SHC2: variants seen among roughly 807,000 people sequenced by gnomAD.
SHC2 encodes the protein SHC adaptor protein 2.
SHC2 carries 62 observed loss-of-function variants against 60.6 expected under a neutral mutation model. That is an observed-to-expected ratio of 1.02 (90% CI 0.83 to 1.26). The LOEUF (loss-of-function observed/expected upper bound fraction) is 1.26, where lower values mean the gene tolerates loss of function less well. SHC2 is among the 50% of genes most tolerant of loss of function. The pLI, the probability that SHC2 is intolerant of heterozygous loss-of-function variation, is 0.00. For synonymous variants in SHC2, 375 were observed against 372.4 expected, an observed-to-expected ratio of 1.01 and a Z score of -0.08; for missense variants, 873 against 822.2, an observed-to-expected ratio of 1.06 and a Z score of -0.76.
intron 1 of SHC2, among the ~76,000 whole-genome samples, chr19:451,104 C>T (rs1051314589): frequency 1.3e-5 from 2 of 148,918 alleles, no homozygotes; most frequent in Non-Finnish European, 3.0e-5. Context: ...TGTGGATGGC[C>T]ATACCATAGC....
rs1974729115 is a variant in SHC2 at position 436,628 on chromosome 19, A to G, written c.774+2T>C. The G allele has an allele frequency of 8.1e-6, 13 of 1,604,762 alleles. No individual in the cohort carries two copies. Among genetic ancestry groups the G allele is most frequent in the Non-Finnish European group, 1.1e-5 (13 of 1,177,968 alleles). Reference sequence around the variant, plus strand: ...CAGGTCCACCCCCATCCCTGGCCTCACCGTGTCTCCGCCTGACGCGAAGGA... The same window carrying G: ...CAGGTCCACCCCCATCCCTGGCCTCGCCGTGTCTCCGCCTGACGCGAAGGA... On this transcript the variant is annotated splice_donor_variant, in intron 5 of 12. Coordinates refer to ENST00000264554, the MANE Select transcript of SHC2 (RefSeq NM_012435.3). LOFTEE classifies it high-confidence loss of function.
chr19:428,715 C>T (rs1345350328), intron 9 of SHC2, among the ~76,000 whole-genome samples: 1 of 152,204 alleles, frequency 6.6e-6, no homozygotes, highest in Admixed American at 6.5e-5. Flanking sequence ...GCTTTTTAAA[C>T]TCCATGATGT....
At chr19:436,586 G>C (rs766380531) in intron 5 of SHC2, 44 bp downstream of exon 5, 31 of 1,591,776 alleles carry the variant, frequency 1.9e-5, no homozygotes, top group Non-Finnish European at 2.5e-5. Context: ...CGCGGCCGGA[G>C]GGGGGCGGCA....
intron 9 of SHC2, among the ~76,000 whole-genome samples, chr19:429,139 T>C (rs7257878): frequency 0.32 from 41,004 of 129,952 alleles, 6,638 homozygotes; most frequent in East Asian, 0.62. Flanking sequence ...GTGTGGATGA[T>C]GCAGTACCTA....
chr19:417,512 T>C (rs1247519452), intron 12 of SHC2, among the ~76,000 whole-genome samples, 190 bp from the exon 13 acceptor site: 1 of 152,204 alleles, frequency 6.6e-6, no homozygotes, highest in African/African-American at 2.4e-5. Context: ...GCTGTGGACC[T>C]AGGGCAGTGC....
chr19:430,187 C>T (rs1236307683), intron 9 of SHC2, among the ~76,000 whole-genome samples: 1 of 136,932 alleles, frequency 7.3e-6, no homozygotes, highest in Non-Finnish European at 1.5e-5. Flanking sequence ...ACCTATACCC[C>T]AACGTGCACA....
intron 1 of SHC2, among the ~76,000 whole-genome samples, chr19:454,061 C>G (rs540298530): frequency 6.6e-6 from 1 of 152,370 alleles, no homozygotes; most frequent in East Asian, 1.9e-4. Context: ...AGATCTACGC[C>G]TTCGGGTGAA....
chr19:457,317 C>A (rs1348498683), intron 1 of SHC2, among the ~76,000 whole-genome samples: 2 of 142,274 alleles, frequency 1.4e-5, no homozygotes, highest in South Asian at 4.5e-4. Flanking sequence ...TGTACCCCCC[C>A]TAGATCTCTG....
At position 441,834 on chromosome 19, in the gene SHC2, T is replaced by C. The variant is rs1974878976; in HGVS notation, c.469-902A>G. On this transcript the variant is annotated intron_variant, in intron 1 of 12. Coordinates refer to ENST00000264554, the MANE Select transcript of SHC2 (RefSeq NM_012435.3). The surrounding 1 kb of genome is among the most constrained non-coding windows in gnomAD (Gnocchi z 4.9). Reference sequence around the variant, plus strand: ...TAACGTTATGTGAAGTCCACCTCAGTTTCTTTAAATGATCAACACGCAAAC... The same window carrying C: ...TAACGTTATGTGAAGTCCACCTCAGCTTCTTTAAATGATCAACACGCAAAC... Among the ~76,000 whole-genome samples, 1 of 152,264 alleles carries C rather than the reference T, an allele frequency of 6.6e-6. No homozygotes were observed. Among genetic ancestry groups the C allele is most frequent in the Non-Finnish European group, 1.5e-5 (1 of 68,050 alleles).
At chr19:450,825 G>A (rs1174234525) in intron 1 of SHC2, among the ~76,000 whole-genome samples, 2 of 151,110 alleles carry the variant, frequency 1.3e-5, no homozygotes, top group African/African-American at 2.4e-5. Context: ...TCATATTTCA[G>A]TGTGTGGATG....
rs1974351820 is a variant in SHC2, at chr19:424,221, A to C, written c.1309+876T>G. 6.6e-6 allele frequency among the ~76,000 whole-genome samples: 1 copy of C among 152,170 alleles called. No individual in the cohort carries two copies. Among genetic ancestry groups the C allele is most frequent in the African/African-American group, 2.4e-5 (1 of 41,450 alleles). ...TGGACACCTCAGCCAAGGAAGGACA[A>C]GCCTCCTCCGCCCGGCTGGGGGCTC... is the stretch of plus-strand genomic sequence containing the variant. On this transcript the variant is annotated intron_variant, in intron 10 of 12. Coordinates refer to ENST00000264554, the MANE Select transcript of SHC2 (RefSeq NM_012435.3). This position sits in a 1 kb window ranked among gnomAD's most constrained non-coding sequence, Gnocchi z 4.5.
rs150449162 is a variant in SHC2, at chr19:434,963, C to G, written c.954-98G>C. The G allele has an allele frequency of 3.1e-6, 4 of 1,299,056 alleles. No individual in the cohort carries two copies. The African/African-American group carries it at 5.9e-5, about 19-fold the overall frequency. 80.5% of individuals were successfully genotyped at this position (1,299,056 alleles called of 1,614,324 possible). ...TGGGGGAGCAGGAAATATCTGAGTTCGAATCCCAGCCCCCCACCTGTCACT... is the reference window on the plus strand; with the variant it reads ...TGGGGGAGCAGGAAATATCTGAGTTGGAATCCCAGCCCCCCACCTGTCACT... On this transcript the variant is annotated intron_variant, in intron 7 of 12. Transcript: ENST00000264554.
At chr19:429,839 C>T (rs1974526095) in intron 9 of SHC2, among the ~76,000 whole-genome samples, 1 of 150,102 alleles carries the variant, frequency 6.7e-6, no homozygotes, top group South Asian at 2.1e-4. Context: ...GTACCTATAC[C>T]CAACACGCAC....
rs1247512154 is a variant in SHC2 at position 453,563 on chromosome 19, GC to G, written c.468+6965del. On this transcript the variant is annotated intron_variant, in intron 1 of 12. Transcript: ENST00000264554. The surrounding 1 kb of genome is among the most constrained non-coding windows in gnomAD (Gnocchi z 6.3). ...CTGGATTACAGGCGTGAGCCACCAC[GC>G]CCGGCCAGAACCCAGATCTTTAGGG... Among the ~76,000 whole-genome samples the G allele has an allele frequency of 6.6e-6, 1 of 152,110 alleles. No homozygotes were observed. Among genetic ancestry groups the G allele is most frequent in the African/African-American group, 2.4e-5 (1 of 41,428 alleles).
chr19:434,967 T>G, intron 7 of SHC2, 102 bp from the exon 8 acceptor site: 5 of 1,256,690 alleles, frequency 4.0e-6, no homozygotes, highest in Non-Finnish European at 5.4e-6. Flanking sequence ...TGAGTTCGAA[T>G]CCCAGCCCCC....
chr19:444,841 C>T (rs940012929), intron 1 of SHC2, among the ~76,000 whole-genome samples: 3 of 152,238 alleles, frequency 2.0e-5, no homozygotes, highest in African/African-American at 7.2e-5. Flanking sequence ...GCTGTGGACA[C>T]ACTGTGCACG....
intron 1 of SHC2, among the ~76,000 whole-genome samples, chr19:452,587 G>A (rs1030500727): frequency 2.6e-5 from 4 of 151,484 alleles, no homozygotes; most frequent in Admixed American, 6.6e-5. Flanking sequence ...GTAGGTGTGC[G>A]TTTCTCCGTT....
At chr19:428,893 G>A (rs140354076) in intron 9 of SHC2, among the ~76,000 whole-genome samples, 76 of 150,956 alleles carry the variant, frequency 5.0e-4, no homozygotes, top group East Asian at 3.5e-3. Context: ...TGTGGATGAC[G>A]CAGTACCTAT....
intron 12 of SHC2, among the ~76,000 whole-genome samples, chr19:417,959 C>T (rs956054257): frequency 1.6e-4 from 25 of 152,116 alleles, no homozygotes; most frequent in South Asian, 4.1e-4. Flanking sequence ...TCCACAGCCC[C>T]CTCCCCCTGC....
Sources: gnomAD v4.1 joint callset for allele counts (sites outside exome capture counted in the v4.1 genomes callset) on GRCh38, gnomAD v4.1.1 for gene constraint, Gnocchi (gnomAD v3.1) non-coding constraint, MANE v1.5 for transcripts, NCBI Gene and HGNC (gene_info 2026-07-23, HGNC 2026-07-21) for gene names.